The following PDE1B variants were observed in gnomAD, a reference collection of about 807,000 sequenced individuals.
PDE1B encodes the protein phosphodiesterase 1B, also known as dual specificity calcium/calmodulin-dependent 3',5'-cyclic nucleotide phosphodiesterase 1B.
PDE1B carries 13 observed loss-of-function variants against 66.7 expected under a neutral mutation model. That is an observed-to-expected ratio of 0.19 (90% confidence interval 0.13 to 0.31). The LOEUF (loss-of-function observed/expected upper bound fraction) is 0.31, where lower values mean the gene tolerates loss of function less well. Ranked by LOEUF, PDE1B falls within the 10% of genes least tolerant of loss-of-function variation. PDE1B has a pLI of 1.00. For missense variants in PDE1B, 485 were observed against 682.3 expected (o/e 0.71, Z 3.22); for synonymous variants, 230 against 253.9 (o/e 0.91, Z 0.90).
At chr12:54,558,935 A>G (rs1400701368) in intron 2 of PDE1B, among the ~76,000 whole-genome samples, 1 of 152,218 alleles carries the variant, frequency 6.6e-6, no homozygotes, top group Non-Finnish European at 1.5e-5. Flanking sequence ...GGTCCTTGTG[A>G]AAATTCTGTG....
At chr12:54,566,277 A>G (rs370243730) in intron 2 of PDE1B, among the ~76,000 whole-genome samples, 135 of 152,348 alleles carry the variant, frequency 8.9e-4, no homozygotes, top group African/African-American at 3.1e-3. Context: ...GGGGATGGGT[A>G]CAGTAACTCT....
At position 54,576,637 on chromosome 12, in the gene PDE1B, T is replaced by G. The variant is rs762668364; in HGVS notation, c.1443T>G (p.Phe481Leu). The change falls in exon 14 of 16, where the codon TTT (phenylalanine) becomes TTG (leucine). Residue 481 changes from phenylalanine (F) to leucine (L), a missense_variant. Physicochemically the swap from Phe to Leu is conservative, Grantham distance 22 (BLOSUM62 0). Coordinates refer to ENST00000243052, the MANE Select transcript of PDE1B (RefSeq NM_000924.4). ...ACCCCAACCCTGATGTGGTCAGCTTTCGTTCCACCTGGGTCAAGCGCATTC... is the reference window on the plus strand; with the variant it reads ...ACCCCAACCCTGATGTGGTCAGCTTGCGTTCCACCTGGGTCAAGCGCATTC... ...VGDPNPDVVS[F>L]RSTWVKRIQE... 2 of 1,614,054 alleles carry G rather than the reference T, an allele frequency of 1.2e-6. No individual in the cohort carries two copies. The highest frequency in any genetic ancestry group is 8.5e-7 in the Non-Finnish European group (1 of 1,180,002).
chr12:54,577,237 A>G lies in PDE1B; in HGVS notation c.1520A>G (p.Gln507Arg). Reference sequence around the variant, plus strand: ...TGCTCCTCTACAGGCATCACCAACCAGATGTCCATTGACGAGCTGTCCCCC... The same window carrying G: ...TGCTCCTCTACAGGCATCACCAACCGGATGTCCATTGACGAGCTGTCCCCC... ...KERAASGITNQMSIDELSPCE... is the reference protein window; with the variant it reads ...KERAASGITNRMSIDELSPCE... The change falls in exon 15 of 16, where the codon CAG (glutamine) becomes CGG (arginine). Residue 507 changes from glutamine to arginine, a missense_variant. Physicochemically the swap from Gln to Arg is conservative, Grantham distance 43. Around this residue, in one of 4 missense-constraint regions of PDE1B, gnomAD observed 126 missense variants for 133.8 expected, o/e 0.94. Transcript: ENST00000243052. 6.2e-7 allele frequency: 1 copy of G among 1,613,926 alleles called. No homozygotes were observed. The highest frequency in any genetic ancestry group is 1.1e-5 in the South Asian group (1 of 91,046).
At position 54,567,511 on chromosome 12, in the gene PDE1B, AT is replaced by A. The variant is rs56091624; in HGVS notation, c.227+425del. 4.3e-3 allele frequency among the ~76,000 whole-genome samples: 28 copies of A among 6,536 alleles called. 1 individual carries two copies. The East Asian group carries it at 0.5, about 117-fold the overall frequency. 4.3% of individuals were successfully genotyped at this position (6,536 alleles called of 152,430 possible). On this transcript the variant is annotated intron_variant, in intron 3 of 15. Coordinates refer to ENST00000243052, the MANE Select transcript of PDE1B (RefSeq NM_000924.4). ...AGAGCAAGACCCTGTCTCAAAATAA[AT>A]AAATAAATAAATAAATAAAAAAAAT...
At chr12:54,567,804 T>G (rs1307092772) in intron 3 of PDE1B, among the ~76,000 whole-genome samples, 1 of 151,944 alleles carries the variant, frequency 6.6e-6, no homozygotes, top group Non-Finnish European at 1.5e-5. Flanking sequence ...ATAAAATACA[T>G]GATGGATTTC....
In PDE1B at chr12:54,570,332, G is replaced by A. The variant is rs568969611; in HGVS notation, c.569G>A (p.Arg190Gln). ...LRTIVFELLT[R>Q]HNLISRFKIP... ...ACCATTGTTTTTGAGTTGCTGACTC[G>A]GCATAACCTCATCAGCCGCTTCAAG... Residue 190 changes from arginine to glutamine, a missense_variant, in exon 6 of 16, where the codon CGG becomes CAG. By Grantham distance (43) the Arg-to-Gln change is conservative (BLOSUM62 1). Around this residue, in one of 4 missense-constraint regions of PDE1B, gnomAD observed 282 missense variants for 453.4 expected, o/e 0.62. Transcript: ENST00000243052. 153 of 1,611,122 alleles carry A rather than the reference G, an allele frequency of 9.5e-5. No homozygotes were observed. The highest frequency in any genetic ancestry group is 1.2e-4 in the Non-Finnish European group (141 of 1,177,410).
intron 7 of PDE1B, among the ~76,000 whole-genome samples, 191 bp from the exon 8 acceptor site, chr12:54,572,957 G>A (rs1957643477): frequency 6.6e-6 from 1 of 152,208 alleles, no homozygotes; most frequent in African/African-American, 2.4e-5. Context: ...GGATGCAGTG[G>A]GAGTGTTGCA....
At chr12:54,559,347 A>T (rs1437042364) in intron 2 of PDE1B, among the ~76,000 whole-genome samples, 1 of 151,278 alleles carries the variant, frequency 6.6e-6, no homozygotes, top group Admixed American at 6.6e-5. Context: ...CTGGGCAGGC[A>T]TTAGAGTTGG....
chr12:54,572,489 G>C, intron 6 of PDE1B, 112 bp from the exon 7 acceptor site: 1 of 1,015,218 alleles, frequency 9.9e-7, no homozygotes. Context: ...TAGGTTCTGT[G>C]CTCTCTCCCT....
intron 3 of PDE1B, among the ~76,000 whole-genome samples, chr12:54,568,116 A>G (rs1177140553): frequency 6.6e-6 from 1 of 152,118 alleles, no homozygotes; most frequent in African/African-American, 2.4e-5. Context: ...TTGGCCTCCC[A>G]AAGTCCTGGG....
chr12:54,558,494 A>T (rs972237871), intron 2 of PDE1B, among the ~76,000 whole-genome samples: 10 of 152,184 alleles, frequency 6.6e-5, no homozygotes, highest in Non-Finnish European at 1.2e-4. Flanking sequence ...ATGCCCAGCC[A>T]GCTGCCAGAA....
chr12:54,577,162 C>T, intron 14 of PDE1B, 63 bp from the exon 15 acceptor site: 1 of 1,367,576 alleles, frequency 7.3e-7, no homozygotes, highest in Non-Finnish European at 1.0e-6. Context: ...TCCACATACT[C>T]CTTGGGTTCT....
chr12:54,577,091 G>A, intron 14 of PDE1B, 134 bp from the exon 15 acceptor site: 2 of 778,342 alleles, frequency 2.6e-6, no homozygotes, highest in Non-Finnish European at 4.2e-6. Flanking sequence ...TCCCAAGTGG[G>A]GATGGGTTGA....
intron 6 of PDE1B, chr12:54,570,668 G>A (rs1470721792): frequency 3.5e-6 from 1 of 289,740 alleles, no homozygotes; most frequent in African/African-American, 2.1e-5. Flanking sequence ...GGACACTGGA[G>A]GCCTGGAGTT....
In PDE1B at chr12:54,573,870, AGTGTGTGT is replaced by A. The variant is rs1555175896; in HGVS notation, c.1064+196_1064+203del. The A allele has an allele frequency of 6.5e-3, 3,236 of 499,976 alleles. 9 individuals are homozygous for A. The highest frequency in any genetic ancestry group is 8.6e-3 in the Non-Finnish European group (2,425 of 280,928). 31.0% of individuals were successfully genotyped at this position (499,976 alleles called of 1,614,324 possible). ...GCATCTCTATGTGAGAGAGAGAGAG[AGTGTGTGT>A]GTGTGTGTGTGTGTGTGTGTGTGTG... On this transcript the variant is annotated intron_variant, in intron 10 of 15. Transcript: ENST00000243052. This position sits in a 1 kb window ranked among gnomAD's most constrained non-coding sequence, Gnocchi z 5.2.
chr12:54,568,467 T>TACACACACACACACACAC (rs56360853), intron 3 of PDE1B, among the ~76,000 whole-genome samples: 11 of 143,482 alleles, frequency 7.7e-5, no homozygotes, highest in South Asian at 6.7e-4. Flanking sequence ...TGTCTAAAAA[T>TACACACACACACACACAC]ACACACACAC....
chr12:54,572,075 C>T (rs1957626048), intron 6 of PDE1B: 1 of 154,674 alleles, frequency 6.5e-6, no homozygotes, highest in African/African-American at 2.4e-5. Context: ...TGTGTGTGTT[C>T]TGTGGGACTG....
At position 54,573,577 on chromosome 12, in the gene PDE1B, A is replaced by T; in HGVS notation, c.963-31A>T. 2 of 1,611,266 alleles carry T rather than the reference A, an allele frequency of 1.2e-6. No individual in the cohort carries two copies. On this transcript the variant is annotated intron_variant, in intron 9 of 15. Coordinates refer to ENST00000243052, the MANE Select transcript of PDE1B (RefSeq NM_000924.4). This position sits in a 1 kb window ranked among gnomAD's most constrained non-coding sequence, Gnocchi z 5.2. The stretch of plus-strand genomic sequence containing the variant: ...CCTCCTGCCCAGCAGCGCTGAGGGG[A>T]CTGATTGCTTCTCTTTTTATGTCCG...
chr12:54,575,880 T>G lies in PDE1B; in HGVS notation c.1268-112T>G. ...GGGAAGTTTTCAGCCCCAGGTTACC[T>G]CTCCATCCTCTTTCATAAGCAGCCA... On this transcript the variant is annotated intron_variant, in intron 12 of 15. Transcript: ENST00000243052. This position sits in a 1 kb window ranked among gnomAD's most constrained non-coding sequence, Gnocchi z 4.0. 1 of 855,766 alleles carries G rather than the reference T, an allele frequency of 1.2e-6. No homozygotes were observed. The highest frequency in any genetic ancestry group is 1.4e-5 in the South Asian group (1 of 71,668). The allele number at this position is 855,766 out of a possible 1,614,324, so 53.0% of individuals were successfully genotyped here.
Sources: gnomAD v4.1 joint callset for allele counts (sites outside exome capture counted in the v4.1 genomes callset) on GRCh38, gnomAD v4.1.1 for gene constraint, gnomAD v4.1.1 regional missense constraint, Gnocchi (gnomAD v3.1) non-coding constraint, MANE v1.5 for transcripts, NCBI Gene and HGNC (gene_info 2026-07-23, HGNC 2026-07-21) for gene names.